Variants in CFAP46 observed in about 807,000 individuals in gnomAD.
CFAP46 encodes the protein cilia- and flagella-associated protein 46.
A neutral mutation model predicts 325.7 loss-of-function variants in CFAP46; 245 were observed. The observed-to-expected ratio is 0.75, with a 90% CI of 0.68 to 0.84. The LOEUF is 0.84. CFAP46 is among the 40% of genes least tolerant of loss of function. The probability of loss-of-function intolerance (pLI) is 0.00; values close to 1 mark genes in which losing one functional copy is unlikely to be tolerated. For missense variants in CFAP46, 3,346 were observed against 3,543.0 expected (o/e 0.94, Z 1.41); for synonymous variants, 1,523 against 1,495.9 (o/e 1.02, Z -0.42).
At chr10:132,929,362 C>G (rs891801913) in intron 9 of CFAP46, 1 of 628,852 alleles carries the variant, frequency 1.6e-6, no homozygotes, top group African/African-American at 1.8e-5. Flanking sequence ...GAGGCACTGC[C>G]GGTGTGATTT....
chr10:132,884,270 T>G lies in CFAP46; in HGVS notation c.3627+833A>C, dbSNP rs999188335. On this transcript the variant is annotated intron_variant, in intron 27 of 57. Coordinates refer to ENST00000368586, the MANE Select transcript of CFAP46 (RefSeq NM_001200049.3). The surrounding 1 kb of genome is among the most constrained non-coding windows in gnomAD (Gnocchi z 5.4). Reference sequence around the variant, plus strand: ...AGTGGCTCCCTGTGGCTCCCCACGGTGGTACCCAGGCGTCTGCCTTGATCA... The same window carrying G: ...AGTGGCTCCCTGTGGCTCCCCACGGGGGTACCCAGGCGTCTGCCTTGATCA... Among the ~76,000 whole-genome samples, 3 of 152,142 alleles carry G rather than the reference T, an allele frequency of 2.0e-5. No homozygotes were observed. Among genetic ancestry groups the G allele is most frequent in the African/African-American group, 4.8e-5 (2 of 41,428 alleles).
Position 132,828,352 on chromosome 10 carries a change from C to T in CFAP46, c.7117+5006G>A, listed in dbSNP as rs1451822820. On this transcript the variant is annotated intron_variant, in intron 50 of 57. Transcript: ENST00000368586. This position sits in a 1 kb window ranked among gnomAD's most constrained non-coding sequence, Gnocchi z 4.9. ...TGAGGGTTCCGGTTCCACACCCTCC[C>T]AACACGCGCTCTGGTCGACTGTGTG... Among the ~76,000 whole-genome samples, 1 of 152,220 alleles carries T rather than the reference C, an allele frequency of 6.6e-6. No homozygotes were observed. The highest frequency in any genetic ancestry group is 1.5e-5 in the Non-Finnish European group (1 of 68,046).
chr10:132,908,678 C>T lies in CFAP46; in HGVS notation c.2758-44G>A, dbSNP rs1328362579. The T allele has an allele frequency of 5.4e-6, 8 of 1,487,158 alleles. No homozygotes were observed. In the East Asian group the frequency reaches 7.4e-5, roughly 14 times the overall value. The allele number at this position is 1,487,158 out of a possible 1,614,324, so 92.1% of individuals were successfully genotyped here. A position where few individuals can be genotyped will look rare whatever the true frequency, so the allele number is the denominator to read the frequency against. ...AGAAGGGGCACCGTGTTAGCAACAA[C>T]GAACTTCCCACGGCCTGCAGCCCCC... On this transcript the variant is annotated intron_variant, in intron 21 of 57. Transcript: ENST00000368586.
chr10:132,857,663 C>T lies in CFAP46; in HGVS notation c.5501G>A (p.Gly1834Asp). Residue 1834 changes from glycine (G) to aspartate (D), a missense_variant, in exon 39 of 58, where the codon GGC becomes GAC. Gly to Asp is a moderately conservative substitution (Grantham distance 94, BLOSUM62 -1). Transcript: ENST00000368586. The part of the protein sequence containing the change: ...GRLHSIQGLY[G>D]LAQGAMAEEE... ...CTCAGCCATGGCGCCCTGGGCCAGG[C>T]CATATAAGCCCTGGATGCTGTGAAG... The T allele has an allele frequency of 6.2e-7, 1 of 1,613,142 alleles. No individual in the cohort carries two copies. The highest frequency in any genetic ancestry group is 8.5e-7 in the Non-Finnish European group (1 of 1,179,620).
chr10:132,923,598 C>T (rs79591604), intron 11 of CFAP46, among the ~76,000 whole-genome samples: 11 of 145,202 alleles, frequency 7.6e-5, no homozygotes, highest in East Asian at 4.2e-4. Flanking sequence ...GGGGGTGCCC[C>T]GGACCCCCGG....
intron 40 of CFAP46, 85 bp from the exon 41 acceptor site, chr10:132,850,517 C>G: frequency 7.6e-7 from 1 of 1,317,996 alleles, no homozygotes; most frequent in Non-Finnish European, 1.0e-6. Flanking sequence ...CCGCCCTCTG[C>G]TGTGCCCTGT....
chr10:132,936,440 A>C (rs1174393580), intron 7 of CFAP46, among the ~76,000 whole-genome samples: 5 of 95,850 alleles, frequency 5.2e-5, no homozygotes, highest in African/African-American at 4.2e-5. Flanking sequence ...TCCCCTCGGC[A>C]TCCAAACACA....
intron 31 of CFAP46, 78 bp from the exon 32 acceptor site, chr10:132,872,902 A>G: frequency 6.7e-7 from 1 of 1,484,970 alleles, no homozygotes; most frequent in Non-Finnish European, 9.1e-7. Flanking sequence ...TCCTCAGAGA[A>G]CTCCCTCCCT....
Position 132,942,086 on chromosome 10 carries a change from T to C in CFAP46, c.68A>G (p.Lys23Arg), listed in dbSNP as rs749707718. 14 of 1,551,578 alleles carry C rather than the reference T, an allele frequency of 9.0e-6. No individual in the cohort carries two copies. In the South Asian group the frequency reaches 1.4e-4, roughly 16 times the overall value. ...ESQQDAASLK[K>R]AYELIKSANL... Reference sequence around the variant, plus strand: ...GGCCGATTTGATCAACTCGTAGGCCTTCTTCAAGGACGCAGCATCTGTCCC... The same window carrying C: ...GGCCGATTTGATCAACTCGTAGGCCCTCTTCAAGGACGCAGCATCTGTCCC... The change falls in exon 2 of 58, where the codon AAG becomes AGG. Residue 23 changes from lysine to arginine, a missense_variant. By Grantham distance (26) the Lys-to-Arg change is conservative. Coordinates refer to ENST00000368586, the MANE Select transcript of CFAP46 (RefSeq NM_001200049.3).
At chr10:132,823,182 C>CTGTGTGCTGA (rs1564767003) in intron 50 of CFAP46, among the ~76,000 whole-genome samples, 1 of 115,048 alleles carries the variant, frequency 8.7e-6, no homozygotes, top group Non-Finnish European at 1.7e-5. Context: ...TGTCTGTGCG[C>CTGTGTGCTGA]TGTGTGCTGA....
intron 50 of CFAP46, among the ~76,000 whole-genome samples, chr10:132,824,696 GCGCTGATGTGTGCTGTGTGTGTA>G (rs1365153162): frequency 1.9e-5 from 1 of 53,396 alleles, no homozygotes; most frequent in Admixed American, 2.3e-4. Context: ...TGCTGTGTGT[GCGCTGATGTGTGCTGTGTGTGTA>G]CTGATGTGTG....
At chr10:132,865,701 C>T (rs1279840437) in intron 35 of CFAP46, among the ~76,000 whole-genome samples, 2 of 152,236 alleles carry the variant, frequency 1.3e-5, no homozygotes, top group East Asian at 3.8e-4. Context: ...TCCAAGTTCT[C>T]GTCCAGCCTC....
At position 132,900,204 on chromosome 10, in the gene CFAP46, G is replaced by C. The variant is rs529295979; in HGVS notation, c.2925-538C>G. ...CCACAGAACCAGCCCCTCTTTTGGGGCCTCTCCCCTCTAAGAGCCCTGCTG... is the reference window on the plus strand; with the variant it reads ...CCACAGAACCAGCCCCTCTTTTGGGCCCTCTCCCCTCTAAGAGCCCTGCTG... On this transcript the variant is annotated intron_variant, in intron 22 of 57. Coordinates refer to ENST00000368586, the MANE Select transcript of CFAP46 (RefSeq NM_001200049.3). Among the ~76,000 whole-genome samples the C allele has an allele frequency of 3.0e-4, 46 of 152,238 alleles. 1 individual carries two copies. The East Asian group carries it at 8.9e-3, about 29-fold the overall frequency.
Position 132,834,751 on chromosome 10 carries a change from C to A in CFAP46, c.6769G>T (p.Glu2257Ter). The part of the protein sequence containing the change: ...GSEPEGLQVE[E>*]KERPVQRLSS... ...AGCCTCTGCACAGGGCGCTCCTTCT[C>A]TTCCACCTGCAGGCCTTCTGGTTCC... Residue 2257 changes from glutamate to a stop codon, truncating the protein, a stop_gained, in exon 48 of 58, where the codon GAG (glutamate) becomes TAG (stop). Transcript: ENST00000368586. LOFTEE classifies it high-confidence loss of function. 1.9e-6 allele frequency: 3 copies of A among 1,612,666 alleles called. No individual in the cohort carries two copies. Among genetic ancestry groups the A allele is most frequent in the Non-Finnish European group, 2.5e-6 (3 of 1,179,446 alleles).
Position 132,869,381 on chromosome 10 carries a change from A to G in CFAP46, c.4512-9T>C. ...AGCACGCGTGGGCGAGGCTGTGGGG[A>G]GTGTGGCCGAAAGAGTCAGTGTTGC... On this transcript the variant is annotated splice_polypyrimidine_tract_variant and intron_variant, in intron 32 of 57. Coordinates refer to ENST00000368586, the MANE Select transcript of CFAP46 (RefSeq NM_001200049.3). The surrounding 1 kb of genome is among the most constrained non-coding windows in gnomAD (Gnocchi z 6.2). 1 of 1,517,742 alleles carries G rather than the reference A, an allele frequency of 6.6e-7. No individual in the cohort carries two copies. The highest frequency in any genetic ancestry group is 8.8e-7 in the Non-Finnish European group (1 of 1,132,922). 94.0% of individuals were successfully genotyped at this position (1,517,742 alleles called of 1,614,324 possible).
rs1156358128 is a variant in CFAP46, at chr10:132,817,133, C to T, written c.7118-2219G>A. 2.0e-5 allele frequency among the ~76,000 whole-genome samples: 3 copies of T among 151,950 alleles called. No homozygotes were observed. The highest frequency in any genetic ancestry group is 6.6e-5 in the Admixed American group (1 of 15,260). ...CAGCGTTGGGGCTGGCCAACGGCTG[C>T]ACCCCGCGGTTTTTGCTTTTTATTG... On this transcript the variant is annotated intron_variant, in intron 50 of 57. Transcript: ENST00000368586. This position sits in a 1 kb window ranked among gnomAD's most constrained non-coding sequence, Gnocchi z 4.4.
intron 21 of CFAP46, 43 bp from the exon 22 acceptor site, chr10:132,908,677 A>AC (rs1460273692): frequency 1.5e-5 from 23 of 1,489,004 alleles, no homozygotes; most frequent in Non-Finnish European, 2.1e-5. Flanking sequence ...GTTAGCAACA[A>AC]CGAACTTCCC....
At chr10:132,858,440 T>C in intron 38 of CFAP46, among the ~76,000 whole-genome samples, 1 of 92,116 alleles carries the variant, frequency 1.1e-5, no homozygotes, top group Non-Finnish European at 2.2e-5. Context: ...GAGGCTTTGC[T>C]GGGGGCGACC....
In CFAP46 at chr10:132,828,758, G is replaced by A. The variant is rs565363172; in HGVS notation, c.7117+4600C>T. ...ATCCATTTCGAGCTGATTTTCCTGC[G>A]TGGCGTGCGGCCTCGTTTTTGTTGT... On this transcript the variant is annotated intron_variant, in intron 50 of 57. Transcript: ENST00000368586. This position sits in a 1 kb window ranked among gnomAD's most constrained non-coding sequence, Gnocchi z 4.9. Among the ~76,000 whole-genome samples the A allele has an allele frequency of 7.9e-5, 12 of 152,234 alleles. No individual in the cohort carries two copies. Among genetic ancestry groups the A allele is most frequent in the African/African-American group, 2.2e-4 (9 of 41,522 alleles).
Sources: allele counts gnomAD v4.1 joint callset (sites outside exome capture counted in the v4.1 genomes callset), GRCh38; gene constraint gnomAD v4.1.1; non-coding constraint Gnocchi (gnomAD v3.1); transcripts MANE v1.5; gene names NCBI Gene and HGNC (gene_info 2026-07-23, HGNC 2026-07-21).